The following PEX5L variants were observed in gnomAD, a reference collection of about 807,000 sequenced individuals.
The protein encoded by PEX5L is peroxisomal biogenesis factor 5 like, also known as PEX5-related protein.
In PEX5L, 30 loss-of-function variants were observed where a neutral mutation model predicts 84.0. The observed-to-expected ratio is 0.36, with a 90% CI of 0.27 to 0.48. PEX5L has a LOEUF of 0.48. Among genes scored for constraint, PEX5L ranks in the 20% least tolerant of loss-of-function variants. PEX5L has a pLI of 0.99. For synonymous variants in PEX5L, 270 were observed against 283.1 expected, an observed-to-expected ratio of 0.95 and a Z score of 0.46; for missense variants, 533 against 754.6, an observed-to-expected ratio of 0.71 and a Z score of 3.44.
chr3:179,809,980 G>T (rs1723093362), intron 11 of PEX5L, among the ~76,000 whole-genome samples: 5 of 146,888 alleles, frequency 3.4e-5, no homozygotes, highest in Admixed American at 2.8e-4. Context: ...GAGAAATAGG[G>T]GATATCATTA....
chr3:179,827,062 T>C lies in PEX5L; in HGVS notation c.823-7086A>G, dbSNP rs115162825. 7.8e-3 allele frequency among the ~76,000 whole-genome samples: 1,192 copies of C among 152,308 alleles called. 18 individuals are homozygous for C. The highest frequency in any genetic ancestry group is 0.027 in the African/African-American group (1,136 of 41,562). On this transcript the variant is annotated intron_variant, in intron 8 of 14. Coordinates refer to ENST00000467460, the MANE Select transcript of PEX5L (RefSeq NM_016559.3). The stretch of plus-strand genomic sequence containing the variant: ...TAAATGATACAACCAGAAATCAAAA[T>C]ACTTCATTCTTTTCTTTGACAGTCG...
rs115746716 is a variant in PEX5L at position 179,891,083 on chromosome 3, G to A, written c.199-3299C>T. ...GCATACAAATAAAGGGATACCAAAG[G>A]AGAGGCTATTCTGAGAGACTTCAGG... On this transcript the variant is annotated intron_variant, in intron 3 of 14. Coordinates refer to ENST00000467460, the MANE Select transcript of PEX5L (RefSeq NM_016559.3). 3.7e-3 allele frequency among the ~76,000 whole-genome samples: 565 copies of A among 151,968 alleles called. 5 individuals are homozygous for A. The highest frequency in any genetic ancestry group is 0.013 in the African/African-American group (542 of 41,394).
chr3:179,894,694 T>G lies in PEX5L; in HGVS notation c.198+3448A>C, dbSNP rs562195839. 3.3e-5 allele frequency among the ~76,000 whole-genome samples: 5 copies of G among 152,230 alleles called. No homozygotes were observed. The East Asian group carries it at 9.7e-4, about 29-fold the overall frequency. On this transcript the variant is annotated intron_variant, in intron 3 of 14. Coordinates refer to ENST00000467460, the MANE Select transcript of PEX5L (RefSeq NM_016559.3). ...CAATCGAGGACATTACTTTTTTATCTTTATCAGAAACAAAAATTAAATTAA... is the reference window on the plus strand; with the variant it reads ...CAATCGAGGACATTACTTTTTTATCGTTATCAGAAACAAAAATTAAATTAA...
At chr3:179,874,511 T>C (rs757739625) in intron 6 of PEX5L, 88 bp from the exon 7 acceptor site, 12 of 691,184 alleles carry the variant, frequency 1.7e-5, no homozygotes, top group South Asian at 3.4e-5. Flanking sequence ...ATTTGGATCA[T>C]TGAAAGCCAT....
intron 8 of PEX5L, among the ~76,000 whole-genome samples, chr3:179,843,599 T>C (rs1250683795): frequency 6.6e-6 from 1 of 152,222 alleles, no homozygotes; most frequent in Non-Finnish European, 1.5e-5. Context: ...GTTGTCATTA[T>C]AGGTAATTTT....
At chr3:180,005,439 T>A (rs965421319) in intron 1 of PEX5L, among the ~76,000 whole-genome samples, 1 of 152,080 alleles carries the variant, frequency 6.6e-6, no homozygotes, top group Non-Finnish European at 1.5e-5. Context: ...TAAAAAAATA[T>A]TTTTGTAGGC....
chr3:179,954,677 T>C (rs968253266), intron 2 of PEX5L, among the ~76,000 whole-genome samples: 1 of 152,072 alleles, frequency 6.6e-6, no homozygotes, highest in African/African-American at 2.4e-5. Context: ...TTGACAGAGG[T>C]GGAGCGCGGG....
chr3:179,883,975 T>C (rs1220931622), intron 4 of PEX5L, among the ~76,000 whole-genome samples: 1 of 152,218 alleles, frequency 6.6e-6, no homozygotes, highest in Non-Finnish European at 1.5e-5. Flanking sequence ...TGTAGATATA[T>C]GAGGTTGGAA....
chr3:179,911,988 T>C (rs1300250659), intron 2 of PEX5L, among the ~76,000 whole-genome samples: 1 of 152,206 alleles, frequency 6.6e-6, no homozygotes, highest in Non-Finnish European at 1.5e-5. Context: ...CACTGGTTTG[T>C]CTGATGAATT....
Position 179,807,726 on chromosome 3 carries a change from T to C in PEX5L, c.1624A>G (p.Ile542Val), listed in dbSNP as rs1721926149. 6.2e-7 allele frequency: 1 copy of C among 1,614,096 alleles called. No homozygotes were observed. Among genetic ancestry groups the C allele is most frequent in the South Asian group, 1.1e-5 (1 of 91,088 alleles). The change falls in exon 14 of 15, where the codon ATC (isoleucine) becomes GTC (valine). Residue 542 changes from isoleucine (I) to valine (V), a missense_variant. Physicochemically the swap from Ile to Val is conservative, Grantham distance 29. This residue lies in a region of PEX5L where 105 missense variants were observed against 204.6 expected (regional missense o/e 0.51). Coordinates refer to ENST00000467460, the MANE Select transcript of PEX5L (RefSeq NM_016559.3). Reference sequence around the variant, plus strand: ...ATTCCTAGGTTGTATCTGGACCGGATGAATCCTGGCTGAATCTCCAGTGCT... The same window carrying C: ...ATTCCTAGGTTGTATCTGGACCGGACGAATCCTGGCTGAATCTCCAGTGCT... Reference protein sequence around the residue: ...TRALEIQPGFIRSRYNLGISC... With the variant: ...TRALEIQPGFVRSRYNLGISC...
chr3:180,035,940 A>C (rs540129619), intron 1 of PEX5L, among the ~76,000 whole-genome samples: 1 of 152,310 alleles, frequency 6.6e-6, no homozygotes, highest in South Asian at 2.1e-4. Context: ...CATCGGAAAG[A>C]AGCAGCGGCT....
chr3:179,942,593 C>G (rs1776453848), intron 2 of PEX5L, among the ~76,000 whole-genome samples: 1 of 152,250 alleles, frequency 6.6e-6, no homozygotes, highest in Admixed American at 6.5e-5. Flanking sequence ...GATTCCCTCT[C>G]TCGACCCAGG....
chr3:179,819,743 T>A (rs576362399), intron 9 of PEX5L, 117 bp downstream of exon 9: 1 of 904,278 alleles, frequency 1.1e-6, no homozygotes, highest in South Asian at 1.6e-5. Flanking sequence ...CAGATTGACA[T>A]TAAATTGTCT....
intron 4 of PEX5L, among the ~76,000 whole-genome samples, chr3:179,884,369 G>A (rs929258269): frequency 2.6e-5 from 4 of 152,180 alleles, no homozygotes; most frequent in African/African-American, 9.7e-5. Flanking sequence ...AGAAGGACAT[G>A]GAGACCAATG....
At chr3:179,858,107 T>G (rs1364693602) in intron 8 of PEX5L, among the ~76,000 whole-genome samples, 1 of 152,218 alleles carries the variant, frequency 6.6e-6, no homozygotes, top group Non-Finnish European at 1.5e-5. Context: ...ATAGAGGTAC[T>G]GAAAGACCAC....
chr3:179,909,017 G>C (rs963707791), intron 2 of PEX5L, among the ~76,000 whole-genome samples: 14 of 152,106 alleles, frequency 9.2e-5, no homozygotes, highest in Admixed American at 6.6e-5. Flanking sequence ...AATATGAATT[G>C]ACTATGAACT....
At chr3:179,976,245 T>A (rs1193159527) in intron 1 of PEX5L, among the ~76,000 whole-genome samples, 1 of 152,210 alleles carries the variant, frequency 6.6e-6, no homozygotes, top group South Asian at 2.1e-4. Flanking sequence ...CAGATGCTGA[T>A]GAGAGGTTAC....
intron 2 of PEX5L, among the ~76,000 whole-genome samples, chr3:179,905,382 C>T (rs368908332): frequency 5.3e-5 from 8 of 151,892 alleles, no homozygotes; most frequent in African/African-American, 1.4e-4. Flanking sequence ...AAGCCATTCT[C>T]CTGCCTCAGT....
chr3:179,984,171 C>T (rs955621093), intron 1 of PEX5L, among the ~76,000 whole-genome samples: 5 of 151,936 alleles, frequency 3.3e-5, no homozygotes, highest in Admixed American at 6.6e-5. Context: ...TTTTAAAATA[C>T]GATTTCCTTT....
Sources: gnomAD v4.1 joint callset for allele counts (sites outside exome capture counted in the v4.1 genomes callset) on GRCh38, gnomAD v4.1.1 for gene constraint, gnomAD v4.1.1 regional missense constraint, MANE v1.5 for transcripts, NCBI Gene and HGNC (gene_info 2026-07-23, HGNC 2026-07-21) for gene names.